The following FBXO36 variants were observed in gnomAD, a reference collection of about 807,000 sequenced individuals.
The protein encoded by FBXO36 is F-box only protein 36.
In FBXO36, 18 loss-of-function variants were observed where a neutral mutation model predicts 17.0. The ratio of observed to expected loss-of-function variants is 1.06; its 90% CI spans 0.73 to 1.57. FBXO36 has a LOEUF of 1.57. Among genes scored for constraint, FBXO36 ranks in the 40% most tolerant of loss-of-function variants. The pLI is 0.00. For synonymous variants in FBXO36, 83 were observed against 85.3 expected (o/e 0.97, Z 0.15); for missense variants, 229 against 221.9 (o/e 1.03, Z -0.20).
intron 3 of FBXO36, among the ~76,000 whole-genome samples, chr2:230,009,774 C>G (rs2077405617): frequency 6.6e-6 from 1 of 151,454 alleles, no homozygotes; most frequent in Admixed American, 6.6e-5. Flanking sequence ...GAAAACCTGT[C>G]TCTATAAAAA....
At chr2:229,925,443 A>G (rs2076907282) in intron 1 of FBXO36, among the ~76,000 whole-genome samples, 1 of 152,212 alleles carries the variant, frequency 6.6e-6, no homozygotes, top group South Asian at 2.1e-4. Flanking sequence ...CCTGACATAA[A>G]TAAGTACTAA....
intron 3 of FBXO36, among the ~76,000 whole-genome samples, chr2:230,001,494 T>C (rs772624595): frequency 2.2e-4 from 34 of 151,958 alleles, no homozygotes; most frequent in Non-Finnish European, 4.7e-4. Flanking sequence ...CGCCATGTTG[T>C]CCAGGCTGGT....
chr2:229,947,644 C>T (rs564818540), intron 1 of FBXO36, among the ~76,000 whole-genome samples: 10 of 152,136 alleles, frequency 6.6e-5, no homozygotes, highest in South Asian at 2.1e-4. Flanking sequence ...TAAAGTACCA[C>T]GGAGTTGAAT....
intron 1 of FBXO36, among the ~76,000 whole-genome samples, chr2:229,953,857 C>T (rs2077070101): frequency 2.0e-5 from 3 of 151,898 alleles, no homozygotes; most frequent in Middle Eastern, 3.4e-3. Context: ...TACAAGTCAA[C>T]GTAATTATTT....
At chr2:230,004,027 G>A (rs1192651723) in intron 3 of FBXO36, among the ~76,000 whole-genome samples, 2 of 151,544 alleles carry the variant, frequency 1.3e-5, no homozygotes, top group Non-Finnish European at 2.9e-5. Context: ...GAGGTCCACA[G>A]TCGTAGCCAG....
intron 2 of FBXO36, among the ~76,000 whole-genome samples, chr2:229,984,280 G>A (rs1440451348): frequency 6.6e-6 from 1 of 151,822 alleles, no homozygotes; most frequent in East Asian, 1.9e-4. Flanking sequence ...CCCTGGAGGT[G>A]GAGGTTGCAG....
At chr2:230,001,741 A>G (rs946715912) in intron 3 of FBXO36, among the ~76,000 whole-genome samples, 1 of 152,166 alleles carries the variant, frequency 6.6e-6, no homozygotes, top group East Asian at 1.9e-4. Context: ...GCTCAAGATC[A>G]GTGCTACCTG....
intron 3 of FBXO36, among the ~76,000 whole-genome samples, chr2:230,005,483 C>A (rs1577366418): frequency 6.6e-6 from 1 of 152,210 alleles, no homozygotes; most frequent in Middle Eastern, 3.4e-3. Flanking sequence ...ATTTGCATTG[C>A]ATGTTTATCT....
At chr2:229,986,928 A>G (rs1270689963) in intron 2 of FBXO36, among the ~76,000 whole-genome samples, 2 of 151,858 alleles carry the variant, frequency 1.3e-5, no homozygotes, top group African/African-American at 4.8e-5. Context: ...AGAACATTAC[A>G]GAGACTCTGG....
At chr2:229,977,984 G>GCCAGGTGCAAAGGA (rs1294542659) in intron 2 of FBXO36, among the ~76,000 whole-genome samples, 1 of 152,106 alleles carries the variant, frequency 6.6e-6, no homozygotes, top group Non-Finnish European at 1.5e-5. Context: ...AGGTGCAGTG[G>GCCAGGTGCAAAGGA]TTCATACCTG....
At chr2:229,936,760 A>C (rs62191699) in intron 1 of FBXO36, among the ~76,000 whole-genome samples, 38,221 of 152,096 alleles carry the variant, frequency 0.25, 5,973 homozygotes, top group Middle Eastern at 0.43. Context: ...GGTCCCAGCT[A>C]TCTGGAAGGC....
chr2:229,934,140 G>A (rs920694012), intron 1 of FBXO36, among the ~76,000 whole-genome samples: 5 of 151,630 alleles, frequency 3.3e-5, no homozygotes, highest in Non-Finnish European at 7.4e-5. Context: ...GGTGGCTCAC[G>A]CCTGTAATCC....
intron 1 of FBXO36, chr2:229,939,181 G>T: frequency 1.1e-6 from 1 of 947,730 alleles, no homozygotes; most frequent in Non-Finnish European, 1.3e-6. Flanking sequence ...AGCCTCCCAA[G>T]TATCTGGGAT....
rs947624900 is a variant in FBXO36, at chr2:230,012,377, A to G, written c.*1493A>G. On this transcript the variant is annotated 3_prime_UTR_variant, in exon 4 of 4. Coordinates refer to ENST00000283946, the MANE Select transcript of FBXO36 (RefSeq NM_174899.5). ...CCCCGGTGCCAGTTTGAGACCGTCA[A>G]CCTAGCCCTCTCTGCTTCTCATTGC... is the stretch of plus-strand genomic sequence containing the variant. 1 of 152,232 alleles carries G rather than the reference A, an allele frequency of 6.6e-6. No individual in the cohort carries two copies. Among genetic ancestry groups the G allele is most frequent in the Non-Finnish European group, 1.5e-5 (1 of 68,048 alleles). 9.4% of individuals were successfully genotyped at this position (152,232 alleles called of 1,614,324 possible).
chr2:229,931,949 A>ATTTTTTTTTTTTTTTT (rs2076940820), intron 1 of FBXO36, among the ~76,000 whole-genome samples: 1 of 129,882 alleles, frequency 7.7e-6, no homozygotes, highest in African/African-American at 2.8e-5. Context: ...CAGGGTCTTG[A>ATTTTTTTTTTTTTTTT]TCTGTCACCT....
rs1217222884 is a variant in FBXO36, at chr2:230,007,988, CAG to C, written c.379-2705_379-2704del. ...AAGTGATCTACCCACCTCGGCCTCG[CAG>C]AGTGCTGGGATTACAGGCATGAGCC... On this transcript the variant is annotated intron_variant, in intron 3 of 3. Coordinates refer to ENST00000283946, the MANE Select transcript of FBXO36 (RefSeq NM_174899.5). Among the ~76,000 whole-genome samples, 3 of 152,282 alleles carry C rather than the reference CAG, an allele frequency of 2.0e-5. No homozygotes were observed. The East Asian group carries it at 5.8e-4, about 29-fold the overall frequency.
chr2:230,006,241 G>T (rs1369587191), intron 3 of FBXO36, among the ~76,000 whole-genome samples: 1 of 151,616 alleles, frequency 6.6e-6, no homozygotes. Flanking sequence ...GACTATAGGC[G>T]CATGCCACCA....
chr2:229,980,316 C>T (rs548667538), intron 2 of FBXO36, among the ~76,000 whole-genome samples: 63 of 146,392 alleles, frequency 4.3e-4, no homozygotes, highest in Middle Eastern at 3.4e-3. Flanking sequence ...CTGCCTCGGC[C>T]TCCCAAAGTG....
Position 230,010,833 on chromosome 2 carries a change from G to A in FBXO36, c.516G>A (p.Gln172=). ...FFTNKLQLQR[Q]LRKRKQKYGN... ...CCAACAAGCTCCAGCTCCAGCGGCA[G>A]CTCCGCAAGAGGAAACAAAAATATG... The change falls in exon 4 of 4, where the codon CAG becomes CAA. Residue 172 remains glutamine (Q), a synonymous_variant. Transcript: ENST00000283946. The A allele has an allele frequency of 1.2e-6, 2 of 1,613,802 alleles. No homozygotes were observed. Among genetic ancestry groups the A allele is most frequent in the East Asian group, 2.2e-5 (1 of 44,872 alleles).
Sources: allele counts gnomAD v4.1 joint callset (sites outside exome capture counted in the v4.1 genomes callset), GRCh38; gene constraint gnomAD v4.1.1; transcripts MANE v1.5; gene names NCBI Gene and HGNC (gene_info 2026-07-23, HGNC 2026-07-21).